The following RIMS3 variants were observed in gnomAD, a reference collection of about 807,000 sequenced individuals.
RIMS3 encodes the protein regulating synaptic membrane exocytosis 3.
Under a neutral mutation model 29.2 loss-of-function variants are expected in RIMS3, and 15 were observed. That is an observed-to-expected ratio of 0.51 (90% confidence interval 0.34 to 0.79). The LOEUF (loss-of-function observed/expected upper bound fraction) is 0.79, where lower values mean the gene tolerates loss of function less well. RIMS3 is among the 30% of genes least tolerant of loss of function. The pLI is 0.01. For missense variants in RIMS3, 342 were observed against 421.4 expected (o/e 0.81, Z 1.65); for synonymous variants, 161 against 170.1 (o/e 0.95, Z 0.41).
the RIMS3 span, among the ~76,000 whole-genome samples, chr1:40,676,092 G>A: frequency 3.9e-4 from 59 of 152,260 alleles, no homozygotes; most frequent in African/African-American, 1.3e-3. Flanking sequence ...AGAATAAATA[G>A]ACCAGTGAGT....
the RIMS3 span, among the ~76,000 whole-genome samples, chr1:40,688,390 C>A: frequency 6.6e-6 from 1 of 152,140 alleles, no homozygotes; most frequent in African/African-American, 2.4e-5. Flanking sequence ...TACCATGATA[C>A]AAGAACTGAT....
In RIMS3 at chr1:40,625,921, A is replaced by T; in HGVS notation, c.*596T>A. 1 of 168,580 alleles carries T rather than the reference A, an allele frequency of 5.9e-6. No homozygotes were observed. The highest frequency in any genetic ancestry group is 1.6e-4 in the East Asian group (1 of 6,226). 10.4% of individuals were successfully genotyped at this position (168,580 alleles called of 1,614,324 possible). ...ATGCTACATGCTGCAGAACGCATTCAGTGGCAGGAAGAGCTGCCGGAGCGG... is the reference window on the plus strand; with the variant it reads ...ATGCTACATGCTGCAGAACGCATTCTGTGGCAGGAAGAGCTGCCGGAGCGG... On this transcript the variant is annotated 3_prime_UTR_variant, in exon 8 of 8. Transcript: ENST00000372684.
intron 1 of RIMS3, among the ~76,000 whole-genome samples, chr1:40,652,946 G>A (rs1642209525): frequency 1.3e-5 from 2 of 152,118 alleles, no homozygotes; most frequent in Non-Finnish European, 2.9e-5. Flanking sequence ...GGATTGCCTA[G>A]AGTGAGTGAG....
At chr1:40,688,675 CA>C in the RIMS3 span, among the ~76,000 whole-genome samples, 17 of 152,168 alleles carry the variant, frequency 1.1e-4, no homozygotes, top group Admixed American at 1.0e-3. Flanking sequence ...TTAGCTGAGG[CA>C]GTCTGAGATA....
chr1:40,628,093 T>C (rs571746892), intron 7 of RIMS3, among the ~76,000 whole-genome samples: 1 of 152,310 alleles, frequency 6.6e-6, no homozygotes, highest in East Asian at 1.9e-4. Flanking sequence ...AGTAGCTGTT[T>C]ATGTGGCAGG....
chr1:40,687,202 G>C, the RIMS3 span, among the ~76,000 whole-genome samples: 2 of 152,304 alleles, frequency 1.3e-5, no homozygotes, highest in East Asian at 3.9e-4. Context: ...AGAATAGGGC[G>C]TAAGCGTTTA....
intron 3 of RIMS3, among the ~76,000 whole-genome samples, chr1:40,637,277 C>T (rs1011032410): frequency 6.6e-6 from 1 of 152,190 alleles, no homozygotes; most frequent in Non-Finnish European, 1.5e-5. Context: ...TTTATTCCTC[C>T]TGCTTCGTCT....
rs773410247 is a variant in RIMS3, at chr1:40,636,080, C to T, written c.218-23G>A. The T allele has an allele frequency of 1.4e-5, 23 of 1,601,306 alleles. No individual in the cohort carries two copies. Among genetic ancestry groups the T allele is most frequent in the Non-Finnish European group, 1.9e-5 (23 of 1,179,798 alleles). ...CTTCTGTGACCCCCCCAACCCCAAGCACAGAGAGGGAACAAGGTCAGATTA... is the reference window on the plus strand; with the variant it reads ...CTTCTGTGACCCCCCCAACCCCAAGTACAGAGAGGGAACAAGGTCAGATTA... On this transcript the variant is annotated intron_variant, in intron 3 of 7. Transcript: ENST00000372684. This position sits in a 1 kb window ranked among gnomAD's most constrained non-coding sequence, Gnocchi z 4.2.
intron 5 of RIMS3, among the ~76,000 whole-genome samples, chr1:40,631,135 AG>A (rs1646486548): frequency 1.3e-5 from 2 of 152,274 alleles, no homozygotes; most frequent in East Asian, 3.9e-4. Context: ...GGTGCTGCTC[AG>A]GTCAGACTGA....
At chr1:40,641,669 G>A in intron 3 of RIMS3, 40 bp downstream of exon 3, 1 of 1,595,292 alleles carries the variant, frequency 6.3e-7, no homozygotes, top group Non-Finnish European at 8.6e-7. Context: ...TTTGCGAAGT[G>A]TCCCCCACCT....
intron 4 of RIMS3, among the ~76,000 whole-genome samples, chr1:40,634,151 A>G (rs772261018): frequency 1.2e-4 from 19 of 152,148 alleles, no homozygotes; most frequent in Non-Finnish European, 1.6e-4. Context: ...AAGATCTCCT[A>G]GAAAGGCCCA....
the RIMS3 span, among the ~76,000 whole-genome samples, chr1:40,676,468 A>C: frequency 7.9e-5 from 12 of 152,260 alleles, no homozygotes; most frequent in South Asian, 2.5e-3. Context: ...CGCTGATACA[A>C]TTCGACTCCT....
chr1:40,624,262 G>A lies in RIMS3; in HGVS notation c.*2255C>T, dbSNP rs1222728674. 2.0e-5 allele frequency: 3 copies of A among 152,254 alleles called. No individual in the cohort carries two copies. Among genetic ancestry groups the A allele is most frequent in the Non-Finnish European group, 4.4e-5 (3 of 68,068 alleles). The allele number at this position is 152,254 out of a possible 1,614,324, so 9.4% of individuals were successfully genotyped here. A position where few individuals can be genotyped will look rare whatever the true frequency, so the allele number is the denominator to read the frequency against. Reference sequence around the variant, plus strand: ...CATCCACAAACATCTATACTGTCCTGTGGGTCACTAACAACCCTATCATCC... The same window carrying A: ...CATCCACAAACATCTATACTGTCCTATGGGTCACTAACAACCCTATCATCC... On this transcript the variant is annotated 3_prime_UTR_variant, in exon 8 of 8. Coordinates refer to ENST00000372684, the MANE Select transcript of RIMS3 (RefSeq NM_014747.3).
intron 1 of RIMS3, among the ~76,000 whole-genome samples, chr1:40,652,869 G>T (rs981308536): frequency 6.6e-6 from 1 of 152,220 alleles, no homozygotes; most frequent in Non-Finnish European, 1.5e-5. Flanking sequence ...CAGGAAGAAG[G>T]GCTGCACTGC....
chr1:40,668,468 C>T (rs1231568555), upstream of RIMS3, among the ~76,000 whole-genome samples: 114 of 14,296 alleles, frequency 8.0e-3, 1 homozygote, highest in Non-Finnish European at 0.014. Context: ...AAATGGGGGG[C>T]GGAGTTGGTA....
intron 1 of RIMS3, among the ~76,000 whole-genome samples, chr1:40,664,364 G>GGA (rs1476071996): frequency 2.0e-5 from 3 of 152,090 alleles, no homozygotes; most frequent in East Asian, 1.9e-4. Context: ...GTGGGGTGGG[G>GGA]GAGATGGCTC....
At chr1:40,680,597 G>T in the RIMS3 span, among the ~76,000 whole-genome samples, 3 of 152,066 alleles carry the variant, frequency 2.0e-5, no homozygotes, top group Non-Finnish European at 4.4e-5. Flanking sequence ...CTCCTAAAGT[G>T]TTGGGATTAC....
At chr1:40,644,215 C>T (rs1047583991) in intron 2 of RIMS3, among the ~76,000 whole-genome samples, 2 of 152,216 alleles carry the variant, frequency 1.3e-5, no homozygotes, top group Non-Finnish European at 1.5e-5. Flanking sequence ...GCTGGCCTTC[C>T]AATGATGTGA....
rs191813736 is a variant in RIMS3 at position 40,631,866 on chromosome 1, G to C, written c.472+1203C>G. On this transcript the variant is annotated intron_variant, in intron 5 of 7. Transcript: ENST00000372684. The stretch of plus-strand genomic sequence containing the variant: ...ACATGCCTGTAATCTCAGCTACTCA[G>C]GAGGCTGAGGCAGGAGAATCACTTG... 9.8e-3 allele frequency among the ~76,000 whole-genome samples: 1,484 copies of C among 152,144 alleles called. 20 individuals carry two copies. The highest frequency in any genetic ancestry group is 0.033 in the African/African-American group (1,390 of 41,498).
Sources: gnomAD v4.1 joint callset for allele counts (sites outside exome capture counted in the v4.1 genomes callset) on GRCh38, gnomAD v4.1.1 for gene constraint, Gnocchi (gnomAD v3.1) non-coding constraint, MANE v1.5 for transcripts, NCBI Gene and HGNC (gene_info 2026-07-23, HGNC 2026-07-21) for gene names.